Variants in PTPN4 observed in about 807,000 individuals in gnomAD.
PTPN4 encodes tyrosine-protein phosphatase non-receptor type 4.
A neutral mutation model predicts 135.5 loss-of-function variants in PTPN4; 49 were observed. That is an observed-to-expected ratio of 0.36 (90% confidence interval 0.29 to 0.46). The LOEUF is 0.46. PTPN4 is among the 20% of genes least tolerant of loss of function. The pLI is 1.00. For synonymous variants in PTPN4, 333 were observed against 369.9 expected, an observed-to-expected ratio of 0.90 and a Z score of 1.14; for missense variants, 860 against 1,101.0, an observed-to-expected ratio of 0.78 and a Z score of 3.10.
intron 13 of PTPN4, among the ~76,000 whole-genome samples, chr2:119,928,144 T>C (rs180870293): frequency 2.0e-5 from 3 of 152,332 alleles, no homozygotes; most frequent in African/African-American, 7.2e-5. Context: ...TTGTTTGTTT[T>C]TATCATCTAG....
chr2:119,784,473 G>A (rs1180335289), intron 1 of PTPN4, among the ~76,000 whole-genome samples: 4 of 145,964 alleles, frequency 2.7e-5, no homozygotes, highest in African/African-American at 5.1e-5. Flanking sequence ...TGCAAGCTCC[G>A]CCTCCCGGGT....
intron 2 of PTPN4, among the ~76,000 whole-genome samples, chr2:119,854,712 G>A (rs1478493180): frequency 6.6e-6 from 1 of 152,232 alleles, no homozygotes; most frequent in African/African-American, 2.4e-5. Flanking sequence ...AATACAAGAT[G>A]TGTAAGCAAG....
intron 10 of PTPN4, among the ~76,000 whole-genome samples, chr2:119,906,823 A>G (rs1297121313): frequency 6.6e-6 from 1 of 152,238 alleles, no homozygotes; most frequent in African/African-American, 2.4e-5. Context: ...CAGAGCAGTC[A>G]GGAAAGAGAA....
At chr2:119,798,759 A>G (rs562102310) in intron 1 of PTPN4, among the ~76,000 whole-genome samples, 1 of 152,372 alleles carries the variant, frequency 6.6e-6, no homozygotes, top group South Asian at 2.1e-4. Flanking sequence ...TTATTTGGAT[A>G]GATTAATACC....
intron 7 of PTPN4, 61 bp downstream of exon 7, chr2:119,882,210 A>G: frequency 6.9e-7 from 1 of 1,452,092 alleles, no homozygotes; most frequent in Non-Finnish European, 9.6e-7. Context: ...TTGCTAGTAC[A>G]TTGGCTTCAA....
chr2:119,874,131 T>A (rs1329736212), intron 3 of PTPN4, among the ~76,000 whole-genome samples: 1 of 152,154 alleles, frequency 6.6e-6, no homozygotes, highest in Non-Finnish European at 1.5e-5. Flanking sequence ...TAAAAAGGAA[T>A]GGCATACCAC....
At chr2:119,847,270 C>CTA (rs1281854982) in intron 2 of PTPN4, among the ~76,000 whole-genome samples, 2,002 of 105,466 alleles carry the variant, frequency 0.019, 74 homozygotes, top group African/African-American at 0.064. Context: ...AGGAGATACT[C>CTA]TATATACACA....
chr2:119,834,709 A>T (rs935248457), intron 2 of PTPN4, among the ~76,000 whole-genome samples: 6 of 152,164 alleles, frequency 3.9e-5, no homozygotes, highest in African/African-American at 1.4e-4. Context: ...AATCTGGGGT[A>T]GAGTATAAGT....
chr2:119,892,704 A>G (rs2105009703), intron 9 of PTPN4, among the ~76,000 whole-genome samples: 1 of 151,196 alleles, frequency 6.6e-6, no homozygotes, highest in Middle Eastern at 3.5e-3. Context: ...AACTTTTAAG[A>G]CTTTTTTTTT....
chr2:119,773,597 G>A (rs950924360), intron 1 of PTPN4, among the ~76,000 whole-genome samples: 4 of 151,956 alleles, frequency 2.6e-5, no homozygotes, highest in Non-Finnish European at 4.4e-5. Flanking sequence ...TTTGCTGGGC[G>A]TGGTGGCGCA....
intron 11 of PTPN4, among the ~76,000 whole-genome samples, chr2:119,919,209 T>C (rs1042407437): frequency 2.6e-5 from 4 of 152,212 alleles, no homozygotes; most frequent in African/African-American, 9.6e-5. Flanking sequence ...TGTTGCTATA[T>C]GTGGTTTACT....
chr2:119,887,993 A>C (rs1678184559), intron 9 of PTPN4, among the ~76,000 whole-genome samples: 1 of 152,178 alleles, frequency 6.6e-6, no homozygotes, highest in Non-Finnish European at 1.5e-5. Context: ...AGTTCTTCAG[A>C]TCCAAAGGCA....
chr2:119,902,485 GAAAA>G (rs993572515), intron 10 of PTPN4, among the ~76,000 whole-genome samples: 22 of 152,330 alleles, frequency 1.4e-4, no homozygotes, highest in African/African-American at 5.3e-4. Context: ...TCTACAGAAA[GAAAA>G]GAAAGCAGAG....
chr2:119,841,668 T>G (rs1413910117), intron 2 of PTPN4, among the ~76,000 whole-genome samples: 1 of 151,600 alleles, frequency 6.6e-6, no homozygotes, highest in African/African-American at 2.4e-5. Flanking sequence ...TTGTGTAGAT[T>G]TACACAATTT....
At chr2:119,765,883 T>C (rs1172383658) in intron 1 of PTPN4, among the ~76,000 whole-genome samples, 1 of 151,236 alleles carries the variant, frequency 6.6e-6, no homozygotes, top group Non-Finnish European at 1.5e-5. Context: ...TCTGTCTGGG[T>C]GGGTGTGGTT....
At position 119,763,862 on chromosome 2, in the gene PTPN4, A is replaced by C. The variant is rs145238378; in HGVS notation, c.-18+3478A>C. Among the ~76,000 whole-genome samples, 320 of 152,320 alleles carry C rather than the reference A, an allele frequency of 2.1e-3. 5 individuals carry two copies. In the East Asian group the frequency reaches 0.052, roughly 25 times the overall value. On this transcript the variant is annotated intron_variant, in intron 1 of 26. Coordinates refer to ENST00000263708, the MANE Select transcript of PTPN4 (RefSeq NM_002830.4). Reference sequence around the variant, plus strand: ...CTATAGTATTGGAGAGCATAGCTTTAGGTCTGACTGCTTAGAAAATCTGAG... The same window carrying C: ...CTATAGTATTGGAGAGCATAGCTTTCGGTCTGACTGCTTAGAAAATCTGAG...
intron 10 of PTPN4, among the ~76,000 whole-genome samples, chr2:119,913,429 T>A (rs1256342511): frequency 6.6e-6 from 1 of 152,214 alleles, no homozygotes; most frequent in Admixed American, 6.5e-5. Context: ...TGGCTAATGA[T>A]AATGAGTGTC....
At chr2:119,769,440 G>A (rs557645428) in intron 1 of PTPN4, among the ~76,000 whole-genome samples, 9 of 152,326 alleles carry the variant, frequency 5.9e-5, no homozygotes, top group African/African-American at 2.2e-4. Flanking sequence ...TTAAAAGGGG[G>A]AGTGGGGAGC....
intron 13 of PTPN4, among the ~76,000 whole-genome samples, chr2:119,927,175 G>A (rs564422015): frequency 6.9e-6 from 1 of 145,940 alleles, no homozygotes; most frequent in Non-Finnish European, 1.5e-5. Flanking sequence ...GTGCAGTGGT[G>A]CAATTTCAGC....
Sources: allele counts gnomAD v4.1 joint callset (sites outside exome capture counted in the v4.1 genomes callset), GRCh38; gene constraint gnomAD v4.1.1; transcripts MANE v1.5; gene names NCBI Gene and HGNC (gene_info 2026-07-23, HGNC 2026-07-21).